Variants in TMEM161A observed in about 807,000 individuals in gnomAD.
TMEM161A encodes adaptive response to oxidative stress protein 29.
Under a neutral mutation model 57.1 loss-of-function variants are expected in TMEM161A, and 46 were observed. The observed-to-expected ratio is 0.81, with a 90% CI of 0.64 to 1.03. The LOEUF is 1.03. TMEM161A is among the 50% of genes least tolerant of loss of function. TMEM161A has a pLI of 0.00. For missense variants in TMEM161A, 601 were observed against 621.5 expected (o/e 0.97, Z 0.35); for synonymous variants, 288 against 279.0 (o/e 1.03, Z -0.32).
At chr19:19,134,156 C>T (rs1408335674) in intron 2 of TMEM161A, among the ~76,000 whole-genome samples, 2 of 151,720 alleles carry the variant, frequency 1.3e-5, no homozygotes, top group African/African-American at 2.4e-5. Flanking sequence ...CACGCAAGGA[C>T]AAAAACCAGA....
At chr19:19,125,562 G>GT (rs2059926780) in intron 6 of TMEM161A, among the ~76,000 whole-genome samples, 1 of 149,586 alleles carries the variant, frequency 6.7e-6, no homozygotes, top group Non-Finnish European at 1.5e-5. Context: ...TGTTGCCCAG[G>GT]CTGGAGTGCA....
At position 19,121,404 on chromosome 19, in the gene TMEM161A, C is replaced by T. The variant is rs1389816027; in HGVS notation, c.818G>A (p.Ser273Asn). Residue 273 changes from serine (S) to asparagine (N), a missense_variant, in exon 9 of 12, where the codon AGC (serine) becomes AAC (asparagine). Coordinates refer to ENST00000162044, the MANE Select transcript of TMEM161A (RefSeq NM_017814.3). This position sits in a 1 kb window ranked among gnomAD's most constrained non-coding sequence, Gnocchi z 5.8. ...RPMLQFLLHT[S>N]FLSPLFILWL... is the part of the protein sequence containing the mutation. ...CAGGATGAACAGGGGAGACAGGAAG[C>T]TGGTGTGCAGGAGGAACCTGGGGGG... 2 of 1,613,416 alleles carry T rather than the reference C, an allele frequency of 1.2e-6. No individual in the cohort carries two copies. The highest frequency in any genetic ancestry group is 1.7e-6 in the Non-Finnish European group (2 of 1,179,736).
rs72993472 is a variant in TMEM161A, at chr19:19,121,643, G to A, written c.682C>T (p.Arg228Cys). Residue 228 changes from arginine (R) to cysteine (C), a missense_variant, in exon 8 of 12, where the codon CGC becomes TGC. Physicochemically the swap from Arg to Cys is radical, Grantham distance 180. Transcript: ENST00000162044. This position sits in a 1 kb window ranked among gnomAD's most constrained non-coding sequence, Gnocchi z 5.8. Reference sequence around the variant, plus strand: ...GAGCCCACCACTGCCAGTCCCACGCGGATAGCCAGCTTGGCCACAGGAAGC... The same window carrying A: ...GAGCCCACCACTGCCAGTCCCACGCAGATAGCCAGCTTGGCCACAGGAAGC... ...WALPVAKLAI[R>C]VGLAVVGSVL... 4.0e-5 allele frequency: 64 copies of A among 1,613,780 alleles called. No homozygotes were observed. In the Admixed American group the frequency reaches 9.0e-4, roughly 23 times the overall value.
intron 6 of TMEM161A, among the ~76,000 whole-genome samples, chr19:19,127,495 A>G (rs2059936480): frequency 6.6e-6 from 1 of 151,054 alleles, no homozygotes; most frequent in African/African-American, 2.4e-5. Flanking sequence ...AATTTTTTGT[A>G]TTTTTTTTAG....
In TMEM161A at chr19:19,132,992, C is replaced by CT; in HGVS notation, c.188+137dup. ...CTTGGACTAGGGTCTCCCGGTTCAC[C>CT]TGTGCCCAGATCAGCGCCTGGAAGT... On this transcript the variant is annotated intron_variant, in intron 3 of 11. Coordinates refer to ENST00000162044, the MANE Select transcript of TMEM161A (RefSeq NM_017814.3). The surrounding 1 kb of genome is among the most constrained non-coding windows in gnomAD (Gnocchi z 4.3). 1.2e-6 allele frequency: 1 copy of CT among 806,690 alleles called. No individual in the cohort carries two copies. The allele number at this position is 806,690 out of a possible 1,614,324, so 50.0% of individuals were successfully genotyped here. A position where few individuals can be genotyped will look rare whatever the true frequency, so the allele number is the denominator to read the frequency against.
chr19:19,130,944 C>G (rs755934269), intron 5 of TMEM161A, among the ~76,000 whole-genome samples: 1 of 151,676 alleles, frequency 6.6e-6, no homozygotes, highest in South Asian at 2.1e-4. Flanking sequence ...ACAGGCCAGG[C>G]GCAGTGGCTC....
intron 1 of TMEM161A, among the ~76,000 whole-genome samples, chr19:19,136,966 CCT>C (rs917012198): frequency 1.5e-5 from 2 of 135,594 alleles, no homozygotes; most frequent in African/African-American, 5.4e-5. Flanking sequence ...CTGTTTTTCT[CCT>C]CTCTCTCCGA....
At chr19:19,120,591 G>C (rs2059904099) in intron 11 of TMEM161A, among the ~76,000 whole-genome samples, 174 bp downstream of exon 11, 1 of 151,198 alleles carries the variant, frequency 6.6e-6, no homozygotes, top group East Asian at 1.9e-4. Flanking sequence ...TCCTGTCCAA[G>C]GCAAGCCCCA....
chr19:19,134,599 C>A (rs1299089640), intron 2 of TMEM161A, among the ~76,000 whole-genome samples, 185 bp downstream of exon 2: 1 of 152,106 alleles, frequency 6.6e-6, no homozygotes, highest in Non-Finnish European at 1.5e-5. Context: ...GAGACCCTGT[C>A]TCTAAAAAGA....
rs1259277841 is a variant in TMEM161A at position 19,119,887 on chromosome 19, C to A, written c.*43G>T. ...GAGGGGGCAGGCTAGTGTCCCGCTG[C>A]CCCAGGAACAGACCTCAGGGCCCCA... On this transcript the variant is annotated 3_prime_UTR_variant, in exon 12 of 12. Coordinates refer to ENST00000162044, the MANE Select transcript of TMEM161A (RefSeq NM_017814.3). 2 of 1,541,242 alleles carry A rather than the reference C, an allele frequency of 1.3e-6. No individual in the cohort carries two copies. The highest frequency in any genetic ancestry group is 1.8e-6 in the Non-Finnish European group (2 of 1,142,346).
At chr19:19,123,986 G>A (rs1031659746) in intron 6 of TMEM161A, among the ~76,000 whole-genome samples, 2 of 151,904 alleles carry the variant, frequency 1.3e-5, no homozygotes, top group African/African-American at 4.8e-5. Flanking sequence ...CCCAGGAGGT[G>A]GAGGTTGCAG....
chr19:19,120,231 G>C (rs987983259), intron 11 of TMEM161A, 48 bp from the exon 12 acceptor site: 22 of 1,481,232 alleles, frequency 1.5e-5, no homozygotes, highest in Non-Finnish European at 1.9e-5. Context: ...ATGGGGGAGG[G>C]GGCGAGGGAC....
chr19:19,135,059 G>A, intron 1 of TMEM161A, 172 bp from the exon 2 acceptor site: 1 of 549,372 alleles, frequency 1.8e-6, no homozygotes, highest in Non-Finnish European at 3.2e-6. Context: ...GACTCACCTA[G>A]CATGGCCCTG....
At chr19:19,127,731 A>C (rs2146332045) in intron 6 of TMEM161A, among the ~76,000 whole-genome samples, 1 of 151,490 alleles carries the variant, frequency 6.6e-6, no homozygotes, top group Non-Finnish European at 1.5e-5. Context: ...GGAGTTTGAG[A>C]CCAGCCTGAG....
chr19:19,119,923 C>T lies in TMEM161A; in HGVS notation c.*7G>A, dbSNP rs1184212703. 6.4e-7 allele frequency: 1 copy of T among 1,552,960 alleles called. No individual in the cohort carries two copies. Among genetic ancestry groups the T allele is most frequent in the East Asian group, 2.4e-5 (1 of 41,202 alleles). The stretch of plus-strand genomic sequence containing the variant: ...GACCTCAGGGCCCCAGGAGGGTCTG[C>T]AGGCAGCTAGGAGCCTGCCAAGTGC... On this transcript the variant is annotated 3_prime_UTR_variant, in exon 12 of 12. Coordinates refer to ENST00000162044, the MANE Select transcript of TMEM161A (RefSeq NM_017814.3).
intron 1 of TMEM161A, among the ~76,000 whole-genome samples, chr19:19,135,157 G>A (rs1426746244): frequency 2.0e-5 from 3 of 152,020 alleles, no homozygotes; most frequent in Non-Finnish European, 2.9e-5. Flanking sequence ...TCCCGCCTCC[G>A]CTATGGATTC....
In TMEM161A at chr19:19,134,793, C is replaced by T; in HGVS notation, c.98G>A (p.Cys33Tyr). The change falls in exon 2 of 12, where the codon TGT becomes TAT. Residue 33 changes from cysteine (C) to tyrosine (Y), a missense_variant. Transcript: ENST00000162044. ...CCGGGGCGGGGCTCACCTGCCGTTA[C>T]AGAGCAGCCAGCGCGCGAAGGAGCA... ...PHCSFARWLL[C>Y]NGSLFRYKHP... The T allele has an allele frequency of 6.3e-7, 1 of 1,575,970 alleles. No homozygotes were observed.
At chr19:19,133,736 G>A (rs546158255) in intron 2 of TMEM161A, among the ~76,000 whole-genome samples, 59 of 152,072 alleles carry the variant, frequency 3.9e-4, no homozygotes, top group African/African-American at 1.3e-3. Flanking sequence ...CCTCCCAAAG[G>A]GCTGGGATTA....
At chr19:19,120,679 C>A (rs895088062) in intron 11 of TMEM161A, 86 bp downstream of exon 11, 18 of 1,282,496 alleles carry the variant, frequency 1.4e-5, no homozygotes, top group Non-Finnish European at 2.0e-5. Flanking sequence ...TCTCCCCCCC[C>A]ACCGCGGTCC....
Sources: gnomAD v4.1 joint callset for allele counts (sites outside exome capture counted in the v4.1 genomes callset) on GRCh38, gnomAD v4.1.1 for gene constraint, Gnocchi (gnomAD v3.1) non-coding constraint, MANE v1.5 for transcripts, NCBI Gene and HGNC (gene_info 2026-07-23, HGNC 2026-07-21) for gene names.